The following RBFOX1 variants were observed in gnomAD, a reference collection of about 807,000 sequenced individuals.
RBFOX1 encodes the protein RNA binding protein fox-1 homolog 1.
RBFOX1 carries 8 observed loss-of-function variants against 57.7 expected under a neutral mutation model. The observed-to-expected ratio is 0.14, with a 90% CI of 0.08 to 0.25. The LOEUF (loss-of-function observed/expected upper bound fraction) is 0.25, where lower values mean the gene tolerates loss of function less well. Ranked by LOEUF, RBFOX1 falls within the 10% of genes least tolerant of loss-of-function variation. The pLI is 1.00. For missense variants in RBFOX1, 611 were observed against 548.5 expected (o/e 1.11, Z -1.14); for synonymous variants, 326 against 222.4 (o/e 1.47, Z -4.15).
chr16:7,665,555 G>C (rs2068992648), intron 13 of RBFOX1, among the ~76,000 whole-genome samples: 1 of 151,974 alleles, frequency 6.6e-6, no homozygotes, highest in Non-Finnish European at 1.5e-5. Context: ...ACTTAAAATT[G>C]CTTGCTAAAT....
intron 4 of RBFOX1, among the ~76,000 whole-genome samples, chr16:7,362,391 G>T (rs556739878): frequency 6.6e-6 from 1 of 151,866 alleles, no homozygotes; most frequent in East Asian, 1.9e-4. Flanking sequence ...GTTAATGTGT[G>T]TGTGATTGTG....
At chr16:7,580,971 C>T (rs745656659) in intron 6 of RBFOX1, among the ~76,000 whole-genome samples, 2 of 152,064 alleles carry the variant, frequency 1.3e-5, no homozygotes, top group Non-Finnish European at 2.9e-5. Flanking sequence ...AAGAAGATGC[C>T]CAACTTGAAT....
At chr16:7,121,698 A>G (rs2067222892) in intron 4 of RBFOX1, among the ~76,000 whole-genome samples, 1 of 151,994 alleles carries the variant, frequency 6.6e-6, no homozygotes, top group South Asian at 2.1e-4. Flanking sequence ...AAACGTGAAG[A>G]TTCTAAAAAT....
intron 2 of RBFOX1, among the ~76,000 whole-genome samples, chr16:6,535,336 T>C (rs956357644): frequency 6.6e-6 from 1 of 152,142 alleles, no homozygotes; most frequent in South Asian, 2.1e-4. Flanking sequence ...ACTTTGAAGC[T>C]CCTCTGGGTA....
At chr16:6,487,727 ATATATATATATATATATATAT>A (rs2095534800) in intron 2 of RBFOX1, among the ~76,000 whole-genome samples, 4 of 35,734 alleles carry the variant, frequency 1.1e-4, no homozygotes, top group South Asian at 5.6e-3. Context: ...ATATATATAT[ATATATATATATATATATATAT>A]ATATATAAAA....
intron 3 of RBFOX1, among the ~76,000 whole-genome samples, chr16:5,798,881 G>A (rs543114784): frequency 2.2e-4 from 34 of 151,938 alleles, no homozygotes; most frequent in Admixed American, 7.9e-4. Flanking sequence ...TCAGAGGTAC[G>A]GACTACTTGC....
chr16:7,187,761 C>T (rs1048901361), intron 4 of RBFOX1, among the ~76,000 whole-genome samples: 1 of 83,494 alleles, frequency 1.2e-5, no homozygotes, highest in Non-Finnish European at 2.5e-5. Context: ...ATCTTAGAAA[C>T]AAAAATCGCT....
intron 4 of RBFOX1, among the ~76,000 whole-genome samples, chr16:7,436,645 A>G (rs868790004): frequency 6.6e-6 from 1 of 152,366 alleles, no homozygotes; most frequent in Middle Eastern, 3.4e-3. Flanking sequence ...GCATTTGCGG[A>G]GGATCACTCA....
intron 4 of RBFOX1, among the ~76,000 whole-genome samples, chr16:7,372,093 G>T (rs965599836): frequency 6.6e-6 from 1 of 152,122 alleles, no homozygotes; most frequent in Non-Finnish European, 1.5e-5. Flanking sequence ...TCCTAGCAGT[G>T]TGATTGTTGG....
chr16:6,741,821 C>T (rs1230700165), intron 3 of RBFOX1, among the ~76,000 whole-genome samples: 1 of 151,926 alleles, frequency 6.6e-6, no homozygotes, highest in Non-Finnish European at 1.5e-5. Flanking sequence ...ATGGTGGTTA[C>T]CAGAAACTGG....
intron 1 of RBFOX1, chr16:5,366,705 C>T (rs184768739): frequency 4.0e-5 from 16 of 399,214 alleles, no homozygotes; most frequent in Middle Eastern, 9.0e-4. Context: ...ATCATTTAAA[C>T]AATTTGTTAA....
At chr16:5,419,172 C>G (rs1213342165) in intron 1 of RBFOX1, among the ~76,000 whole-genome samples, 1 of 152,104 alleles carries the variant, frequency 6.6e-6, no homozygotes, top group Non-Finnish European at 1.5e-5. Flanking sequence ...TCTAGAGAAA[C>G]AGAACTAATC....
chr16:7,477,925 G>C (rs944721381), intron 4 of RBFOX1, among the ~76,000 whole-genome samples: 3 of 152,152 alleles, frequency 2.0e-5, no homozygotes, highest in African/African-American at 4.8e-5. Flanking sequence ...GTTGTTTATT[G>C]CTTGATCTGA....
chr16:7,368,390 G>C (rs527531513), intron 4 of RBFOX1, among the ~76,000 whole-genome samples: 1 of 151,894 alleles, frequency 6.6e-6, no homozygotes, highest in East Asian at 1.9e-4. Context: ...GAAAGTTTAC[G>C]TATTACCAGA....
At chr16:7,051,591 C>G (rs998429362) in intron 3 of RBFOX1, among the ~76,000 whole-genome samples, 2 of 152,204 alleles carry the variant, frequency 1.3e-5, no homozygotes, top group East Asian at 1.9e-4. Flanking sequence ...AAAATGTAAC[C>G]CAGTTGCCAA....
At chr16:5,552,714 G>T (rs1379719663) in intron 2 of RBFOX1, among the ~76,000 whole-genome samples, 1 of 152,198 alleles carries the variant, frequency 6.6e-6, no homozygotes, top group African/African-American at 2.4e-5. Context: ...GTGCTTCTGA[G>T]CGGGAAGATC....
chr16:7,345,051 G>C (rs1603626033), intron 4 of RBFOX1, among the ~76,000 whole-genome samples: 1 of 151,798 alleles, frequency 6.6e-6, no homozygotes, highest in Non-Finnish European at 1.5e-5. Context: ...CTGAGGAAGG[G>C]CACTGCTGGG....
Position 6,097,447 on chromosome 16 carries a change from G to T in RBFOX1, c.-127+77455G>T, listed in dbSNP as rs770551657. Among the ~76,000 whole-genome samples the T allele has an allele frequency of 3.9e-5, 6 of 152,190 alleles. No individual in the cohort carries two copies. Among genetic ancestry groups the T allele is most frequent in the Non-Finnish European group, 8.8e-5 (6 of 68,042 alleles). On this transcript the variant is annotated intron_variant, in intron 1 of 15. Transcript: ENST00000550418. This position sits in a 1 kb window ranked among gnomAD's most constrained non-coding sequence, Gnocchi z 5.0. ...GGCCTGGGAGTTTGTGAGAGATGCA[G>T]ATTCTTGGTGCCCATCCAAACCTAC...
intron 3 of RBFOX1, among the ~76,000 whole-genome samples, chr16:6,859,130 CATATATAT>C (rs2058472373): frequency 1.2e-5 from 1 of 82,482 alleles, no homozygotes; most frequent in Non-Finnish European, 2.1e-5. Context: ...TATATATATA[CATATATAT>C]ACGTATATAT....
Sources: gnomAD v4.1 joint callset for allele counts (sites outside exome capture counted in the v4.1 genomes callset) on GRCh38, gnomAD v4.1.1 for gene constraint, Gnocchi (gnomAD v3.1) non-coding constraint, MANE v1.5 for transcripts, NCBI Gene and HGNC (gene_info 2026-07-23, HGNC 2026-07-21) for gene names.